The following F8 variants were observed in gnomAD, a reference collection of about 807,000 sequenced individuals.
F8 encodes coagulation factor VIII, also known as antihemophilic factor.
Under a neutral mutation model 140.6 loss-of-function variants are expected in F8, and 12 were observed. The ratio of observed to expected loss-of-function variants is 0.09; its 90% CI spans 0.05 to 0.14. F8 has a LOEUF of 0.14. F8 is among the 10% of genes least tolerant of loss of function. The probability of loss-of-function intolerance (pLI) is 1.00; values close to 1 mark genes in which losing one functional copy is unlikely to be tolerated. For missense variants in F8, 1,354 were observed against 1,720.7 expected, an observed-to-expected ratio of 0.79 and a Z score of 3.77; for synonymous variants, 585 against 614.6, an observed-to-expected ratio of 0.95 and a Z score of 0.71.
rs186540835 is a variant in F8, at chrX:154,878,586, A to G, written c.6430-15359T>C. 4.5e-5 allele frequency among the ~76,000 whole-genome samples: 5 copies of G among 111,749 alleles called. No homozygotes were observed. In the East Asian group the frequency reaches 1.4e-3, roughly 31 times the overall value. On this transcript the variant is annotated intron_variant, in intron 22 of 25. Transcript: ENST00000360256. ...CCCTAACATTAGAAACGAGACAAGA[A>G]TGCCTGCTTTTACTGCTTCTATTCA...
chrX:154,904,352 G>A lies in F8; in HGVS notation c.5759C>T (p.Ala1920Val). Reference protein sequence around the residue: ...FTENMERNCRAPCNIQMEDPT... With the variant: ...FTENMERNCRVPCNIQMEDPT... ...ATCTTCCATCTGGATATTGCAGGGAGCCCTGCAGTTTCTTTCCATATTTTC... is the reference window on the plus strand; with the variant it reads ...ATCTTCCATCTGGATATTGCAGGGAACCCTGCAGTTTCTTTCCATATTTTC... The change falls in exon 17 of 26, where the codon GCT (alanine) becomes GTT (valine). Residue 1920 changes from alanine to valine, a missense_variant. By Grantham distance (64) the Ala-to-Val change is moderately conservative (BLOSUM62 0). Coordinates refer to ENST00000360256, the MANE Select transcript of F8 (RefSeq NM_000132.4). 8.3e-7 allele frequency: 1 copy of A among 1,210,543 alleles called. No individual in the cohort carries two copies. The highest frequency in any genetic ancestry group is 1.1e-6 in the Non-Finnish European group (1 of 894,317).
chrX:154,945,511 A>G (rs1347599957), intron 13 of F8, among the ~76,000 whole-genome samples: 2 of 112,319 alleles, frequency 1.8e-5, no homozygotes, highest in East Asian at 5.6e-4. Context: ...ACAAATGATC[A>G]TTTCAATTGA....
chrX:154,968,408 A>T (rs1008815251), intron 7 of F8, among the ~76,000 whole-genome samples: 14 of 111,619 alleles, frequency 1.3e-4, no homozygotes, highest in African/African-American at 4.2e-4. Context: ...ATTTCTGTCC[A>T]TTATAAATTA....
At chrX:155,005,306 C>T (rs2073670495) in intron 1 of F8, among the ~76,000 whole-genome samples, 1 of 111,497 alleles carries the variant, frequency 9.0e-6, no homozygotes, top group Non-Finnish European at 1.9e-5. Flanking sequence ...GCCAGGTCAT[C>T]TGCCTGGGTA....
chrX:154,880,877 T>G (rs2072854876), intron 22 of F8, among the ~76,000 whole-genome samples: 1 of 111,049 alleles, frequency 9.0e-6, no homozygotes, highest in Non-Finnish European at 1.9e-5. Flanking sequence ...CCTTCAATAT[T>G]TTTTGAAGAA....
intron 14 of F8, among the ~76,000 whole-genome samples, chrX:154,921,026 T>C (rs150082926): frequency 2.0e-3 from 228 of 112,106 alleles, no homozygotes; most frequent in African/African-American, 7.1e-3. Context: ...TAGCATTTCT[T>C]ATAAAGCAGA....
rs376435818 is a variant in F8, at chrX:154,879,438, C to T, written c.6430-16211G>A. Among the ~76,000 whole-genome samples, 14 of 112,495 alleles carry T rather than the reference C, an allele frequency of 1.2e-4. No individual in the cohort carries two copies. In the East Asian group the frequency reaches 2.8e-3, roughly 22 times the overall value. ...TTTATGATGGTATGAAAGCAACATG[C>T]ATTCAGTAGAATCCATATGCATAAA... On this transcript the variant is annotated intron_variant, in intron 22 of 25. Coordinates refer to ENST00000360256, the MANE Select transcript of F8 (RefSeq NM_000132.4).
At chrX:154,968,341 G>A (rs1028504020) in intron 7 of F8, among the ~76,000 whole-genome samples, 2 of 110,729 alleles carry the variant, frequency 1.8e-5, no homozygotes, top group Non-Finnish European at 3.8e-5. Context: ...ATGTTAAGAC[G>A]CAGAAAAAGG....
In F8 at chrX:154,888,479, C is replaced by T. The variant is rs2072916583; in HGVS notation, c.6429+7598G>A. On this transcript the variant is annotated intron_variant, in intron 22 of 25. Coordinates refer to ENST00000360256, the MANE Select transcript of F8 (RefSeq NM_000132.4). ...GCGTGATCTCGGCTCACTGCAACCTCCGCCTCCTGGGTTCAAGCGATTCTC... is the reference window on the plus strand; with the variant it reads ...GCGTGATCTCGGCTCACTGCAACCTTCGCCTCCTGGGTTCAAGCGATTCTC... Among the ~76,000 whole-genome samples, 4 of 77,118 alleles carry T rather than the reference C, an allele frequency of 5.2e-5. No individual in the cohort carries two copies. The Admixed American group carries it at 6.3e-4, about 12-fold the overall frequency. 67.0% of individuals were successfully genotyped at this position (77,118 alleles called of 115,157 possible).
chrX:154,985,645 G>A (rs781802240), intron 5 of F8, among the ~76,000 whole-genome samples: 110 of 111,802 alleles, frequency 9.8e-4, no homozygotes, highest in Non-Finnish European at 1.8e-3. Flanking sequence ...TTTGTGTGAA[G>A]GACTGGTAGC....
intron 25 of F8, among the ~76,000 whole-genome samples, chrX:154,859,726 T>G (rs1557272695): frequency 2.7e-5 from 3 of 111,627 alleles, no homozygotes; most frequent in African/African-American, 9.8e-5. Context: ...AACTGCCAGT[T>G]TGGTGAAGTC....
chrX:154,997,528 G>A (rs2073623981), intron 2 of F8, among the ~76,000 whole-genome samples: 1 of 112,352 alleles, frequency 8.9e-6, no homozygotes, highest in Admixed American at 9.4e-5. Context: ...GGGCCTCTCT[G>A]AGGAGGTGAC....
intron 6 of F8, among the ~76,000 whole-genome samples, chrX:154,982,274 C>T (rs1374540360): frequency 1.9e-5 from 2 of 106,377 alleles, no homozygotes; most frequent in African/African-American, 6.9e-5. Flanking sequence ...AATGAAACCC[C>T]GTCTCTACTA....
At chrX:154,869,621 T>G (rs782095152) in intron 22 of F8, among the ~76,000 whole-genome samples, 6 of 110,343 alleles carry the variant, frequency 5.4e-5, no homozygotes, top group Non-Finnish European at 1.1e-4. Flanking sequence ...CACCCTAACA[T>G]CAAAATTAAA....
intron 1 of F8, among the ~76,000 whole-genome samples, chrX:155,008,110 T>C (rs1336116544): frequency 3.6e-5 from 4 of 110,008 alleles, no homozygotes; most frequent in African/African-American, 1.3e-4. Flanking sequence ...GATGAGGGAG[T>C]GGGTCCACAA....
intron 14 of F8, among the ~76,000 whole-genome samples, chrX:154,921,278 A>C (rs931207270): frequency 1.8e-5 from 2 of 112,313 alleles, no homozygotes; most frequent in African/African-American, 3.2e-5. Flanking sequence ...ACATGAAAAT[A>C]TGCTCATCAT....
intron 14 of F8, among the ~76,000 whole-genome samples, chrX:154,910,213 A>G (rs2073058029): frequency 9.0e-6 from 1 of 111,685 alleles, no homozygotes; most frequent in Non-Finnish European, 1.9e-5. Context: ...TGAAGGCAGT[A>G]TGCTTGTCCA....
At position 155,009,553 on chromosome X, in the gene F8, A is replaced by G. The variant is rs782486992; in HGVS notation, c.144-9953T>C. Among the ~76,000 whole-genome samples, 164 of 110,509 alleles carry G rather than the reference A, an allele frequency of 1.5e-3. 1 individual carries two copies. Among genetic ancestry groups the G allele is most frequent in the Middle Eastern group, 4.6e-3 (1 of 218 alleles). On this transcript the variant is annotated intron_variant, in intron 1 of 25. Transcript: ENST00000360256. ...GGAGTTCGACACCAGCCGGGCCAAC[A>G]TGAAGAAACCCTGTCTACTAAAAAT...
chrX:154,846,922 C>T (rs1346777392), intron 25 of F8, among the ~76,000 whole-genome samples: 2 of 111,830 alleles, frequency 1.8e-5, no homozygotes, highest in Non-Finnish European at 3.8e-5. Flanking sequence ...TGGCTGGTAC[C>T]GGTTGTTCCT....
Sources: allele counts gnomAD v4.1 joint callset (sites outside exome capture counted in the v4.1 genomes callset), GRCh38; gene constraint gnomAD v4.1.1; transcripts MANE v1.5; gene names NCBI Gene and HGNC (gene_info 2026-07-23, HGNC 2026-07-21).